FBXL7: variants seen among roughly 807,000 people sequenced by gnomAD.
FBXL7 encodes the protein F-box and leucine rich repeat protein 7, also known as F-box/LRR-repeat protein 7.
Under a neutral mutation model 38.3 loss-of-function variants are expected in FBXL7, and 12 were observed. That is an observed-to-expected ratio of 0.31 (90% CI 0.20 to 0.51). The LOEUF (loss-of-function observed/expected upper bound fraction) is 0.51. Among genes scored for constraint, FBXL7 ranks in the 20% least tolerant of loss-of-function variants. The pLI is 0.98. For synonymous variants in FBXL7, 297 were observed against 300.9 expected, an observed-to-expected ratio of 0.99 and a Z score of 0.13; for missense variants, 567 against 676.4, an observed-to-expected ratio of 0.84 and a Z score of 1.79.
chr5:15,688,610 A>G (rs1018822278), intron 2 of FBXL7, among the ~76,000 whole-genome samples: 4 of 152,150 alleles, frequency 2.6e-5, no homozygotes, highest in Non-Finnish European at 5.9e-5. Flanking sequence ...TCCCATTTGA[A>G]AAGTACCTAG....
intron 2 of FBXL7, among the ~76,000 whole-genome samples, chr5:15,644,895 G>A (rs1741482876): frequency 6.6e-6 from 1 of 152,162 alleles, no homozygotes; most frequent in African/African-American, 2.4e-5. Flanking sequence ...GACAATGGCA[G>A]AGCAAAAGAC....
At chr5:15,682,766 G>C (rs1399393554) in intron 2 of FBXL7, among the ~76,000 whole-genome samples, 1 of 152,210 alleles carries the variant, frequency 6.6e-6, no homozygotes, top group Non-Finnish European at 1.5e-5. Flanking sequence ...TGTGTGTGCA[G>C]GCTGCATCTT....
chr5:15,550,549 C>G (rs1435955443), intron 1 of FBXL7, among the ~76,000 whole-genome samples: 2 of 152,180 alleles, frequency 1.3e-5, no homozygotes, highest in South Asian at 2.1e-4. Flanking sequence ...TTTTCTTCCA[C>G]AGATGCAAAG....
chr5:15,695,007 A>G (rs956449599), intron 2 of FBXL7, among the ~76,000 whole-genome samples: 2 of 152,244 alleles, frequency 1.3e-5, no homozygotes, highest in Non-Finnish European at 2.9e-5. Context: ...GCATTTAAGC[A>G]TAGGCAACAG....
chr5:15,676,181 G>C (rs1012489128), intron 2 of FBXL7, among the ~76,000 whole-genome samples: 1 of 152,186 alleles, frequency 6.6e-6, no homozygotes, highest in African/African-American at 2.4e-5. Context: ...CAACTTGGCT[G>C]GGGGTGGCTC....
chr5:15,760,440 A>AG (rs1331911439), intron 2 of FBXL7, among the ~76,000 whole-genome samples: 1 of 151,782 alleles, frequency 6.6e-6, no homozygotes, highest in Non-Finnish European at 1.5e-5. Context: ...AAAAAAAAAA[A>AG]GAAAAAAGTT....
rs536717799 is a variant in FBXL7, at chr5:15,574,892, G to A, written c.38-41091G>A. On this transcript the variant is annotated intron_variant, in intron 1 of 3. Coordinates refer to ENST00000504595, the MANE Select transcript of FBXL7 (RefSeq NM_012304.5). ...TGGAAGCAGGATGGGTCCTCAACTA[G>A]TTGCTCATATCTCTTAGCCATTCTG... Among the ~76,000 whole-genome samples, 16 of 151,210 alleles carry A rather than the reference G, an allele frequency of 1.1e-4. No individual in the cohort carries two copies. The South Asian group carries it at 2.9e-3, about 28-fold the overall frequency.
chr5:15,892,437 G>A (rs1425090538), intron 2 of FBXL7, among the ~76,000 whole-genome samples: 2 of 152,158 alleles, frequency 1.3e-5, no homozygotes, highest in South Asian at 2.1e-4. Flanking sequence ...CAGATCCTCA[G>A]GGGTCTACAA....
At chr5:15,773,121 ACT>A (rs1736772923) in intron 2 of FBXL7, among the ~76,000 whole-genome samples, 1 of 151,822 alleles carries the variant, frequency 6.6e-6, no homozygotes, top group Non-Finnish European at 1.5e-5. Context: ...GTTGTTTTAA[ACT>A]CTGAGGCTCA....
intron 2 of FBXL7, among the ~76,000 whole-genome samples, chr5:15,661,925 G>T (rs1021203793): frequency 1.3e-5 from 2 of 152,170 alleles, no homozygotes; most frequent in African/African-American, 4.8e-5. Context: ...TCTTTTGCCA[G>T]TTTGTCATTG....
At chr5:15,668,215 C>A (rs1440010906) in intron 2 of FBXL7, among the ~76,000 whole-genome samples, 1 of 152,276 alleles carries the variant, frequency 6.6e-6, no homozygotes, top group Middle Eastern at 3.4e-3. Context: ...CAGCCACATC[C>A]CTGACTACAT....
rs866424900 is a variant in FBXL7 at position 15,716,255 on chromosome 5, G to T, written c.127+100183G>T. Among the ~76,000 whole-genome samples, 3 of 152,180 alleles carry T rather than the reference G, an allele frequency of 2.0e-5. No individual in the cohort carries two copies. In the South Asian group the frequency reaches 6.2e-4, roughly 32 times the overall value. ...AGATGACATGCTGTACAGACAATGT[G>T]ATTTTTAGCCAAAGAAATCGCTGTA... is the stretch of plus-strand genomic sequence containing the variant. On this transcript the variant is annotated intron_variant, in intron 2 of 3. Coordinates refer to ENST00000504595, the MANE Select transcript of FBXL7 (RefSeq NM_012304.5).
chr5:15,836,022 C>A (rs976367265), intron 2 of FBXL7, among the ~76,000 whole-genome samples: 3 of 152,164 alleles, frequency 2.0e-5, no homozygotes, highest in African/African-American at 4.8e-5. Context: ...AGGAACCCTC[C>A]TCCTTCCCAA....
chr5:15,654,623 TCTAA>T (rs1281074297), intron 2 of FBXL7, among the ~76,000 whole-genome samples: 4 of 152,140 alleles, frequency 2.6e-5, no homozygotes, highest in South Asian at 2.1e-4. Flanking sequence ...ATTCAAAACC[TCTAA>T]CTATTCCCTA....
chr5:15,582,722 G>A (rs188508391), intron 1 of FBXL7, among the ~76,000 whole-genome samples: 69 of 152,272 alleles, frequency 4.5e-4, no homozygotes, highest in African/African-American at 1.4e-3. Flanking sequence ...ACTCTGCTGC[G>A]TTTACATTCA....
rs1246706316 is a variant in FBXL7 at position 15,722,582 on chromosome 5, C to T, written c.127+106510C>T. ...CCTCTTGGCCGGCTCATTTCCTGCT[C>T]ATATGCACTAGGAGAAATTCATAGA... On this transcript the variant is annotated intron_variant, in intron 2 of 3. Coordinates refer to ENST00000504595, the MANE Select transcript of FBXL7 (RefSeq NM_012304.5). Among the ~76,000 whole-genome samples the T allele has an allele frequency of 3.9e-5, 6 of 152,166 alleles. No individual in the cohort carries two copies. In the East Asian group the frequency reaches 1.2e-3, roughly 29 times the overall value.
chr5:15,559,903 A>C (rs1047370641), intron 1 of FBXL7, among the ~76,000 whole-genome samples: 14 of 152,310 alleles, frequency 9.2e-5, no homozygotes, highest in Middle Eastern at 3.4e-3. Flanking sequence ...GGAATGAACT[A>C]TCTCTACTTG....
intron 2 of FBXL7, among the ~76,000 whole-genome samples, chr5:15,697,874 A>T (rs1309774166): frequency 2.0e-5 from 3 of 152,242 alleles, no homozygotes; most frequent in Admixed American, 2.0e-4. Flanking sequence ...TCCTAGAGCT[A>T]AGAGCTAAAG....
intron 3 of FBXL7, among the ~76,000 whole-genome samples, chr5:15,934,789 A>G (rs1200442802): frequency 6.6e-6 from 1 of 152,152 alleles, no homozygotes; most frequent in African/African-American, 2.4e-5. Context: ...CCCTCTATAA[A>G]CCGCTCATTC....
Sources: allele counts gnomAD v4.1 joint callset (sites outside exome capture counted in the v4.1 genomes callset), GRCh38; gene constraint gnomAD v4.1.1; transcripts MANE v1.5; gene names NCBI Gene and HGNC (gene_info 2026-07-23, HGNC 2026-07-21).